The following COL23A1 variants were observed in gnomAD, a reference collection of about 807,000 sequenced individuals.
COL23A1 encodes collagen type XXIII alpha 1 chain, also known as collagen alpha-1(XXIII) chain.
A neutral mutation model predicts 99.3 loss-of-function variants in COL23A1; 97 were observed. The observed-to-expected ratio is 0.98, with a 90% CI of 0.83 to 1.16. The LOEUF (loss-of-function observed/expected upper bound fraction) is 1.16, where lower values mean the gene tolerates loss of function less well. Ranked by LOEUF, COL23A1 falls within the 50% of genes most tolerant of loss-of-function variation. COL23A1 has a pLI of 0.00. For missense variants in COL23A1, 762 were observed against 757.4 expected (o/e 1.01, Z -0.07); for synonymous variants, 320 against 308.2 (o/e 1.04, Z -0.40).
chr5:178,282,102 T>C (rs552938011), intron 5 of COL23A1, among the ~76,000 whole-genome samples: 2 of 146,464 alleles, frequency 1.4e-5, no homozygotes, highest in Non-Finnish European at 3.0e-5. Flanking sequence ...AGGCTGAGCA[T>C]GCCCTGCTCC....
chr5:178,568,017 C>T (rs963893133), intron 1 of COL23A1, among the ~76,000 whole-genome samples: 5 of 152,218 alleles, frequency 3.3e-5, no homozygotes, highest in African/African-American at 7.2e-5. Flanking sequence ...ACCAAGTGAT[C>T]AAGGTTCATG....
chr5:178,335,788 C>T (rs2913795), intron 2 of COL23A1, among the ~76,000 whole-genome samples: 72,546 of 152,098 alleles, frequency 0.48, 18,211 homozygotes, highest in East Asian at 0.81. Flanking sequence ...AAAGTGATCA[C>T]TGTGGCGAAC....
intron 1 of COL23A1, among the ~76,000 whole-genome samples, chr5:178,575,164 T>C (rs896971841): frequency 5.4e-5 from 8 of 148,652 alleles, no homozygotes; most frequent in Admixed American, 4.7e-4. Flanking sequence ...TATCCTCTAA[T>C]GAAAAGAAAA....
intron 2 of COL23A1, among the ~76,000 whole-genome samples, chr5:178,502,182 A>G (rs915684923): frequency 1.3e-5 from 2 of 152,178 alleles, no homozygotes; most frequent in African/African-American, 4.8e-5. Context: ...CCCAGGCTGG[A>G]GTGCAGTGGC....
chr5:178,375,128 G>A (rs146417003), intron 2 of COL23A1, among the ~76,000 whole-genome samples: 89 of 152,278 alleles, frequency 5.8e-4, no homozygotes, highest in African/African-American at 2.0e-3. Context: ...CAACATGGAC[G>A]AACCTTGAAA....
At chr5:178,359,039 A>C (rs1173580029) in intron 2 of COL23A1, among the ~76,000 whole-genome samples, 1 of 152,206 alleles carries the variant, frequency 6.6e-6, no homozygotes, top group African/African-American at 2.4e-5. Context: ...GGAAAGGGTG[A>C]TCTATAAAGA....
intron 4 of COL23A1, 93 bp downstream of exon 4, chr5:178,290,269 T>C: frequency 3.2e-6 from 5 of 1,585,064 alleles, no homozygotes; most frequent in Non-Finnish European, 4.3e-6. Flanking sequence ...AGGACACACC[T>C]CCCTAACCAA....
intron 6 of COL23A1, among the ~76,000 whole-genome samples, chr5:178,269,486 C>T (rs961148893): frequency 7.2e-5 from 5 of 69,388 alleles, no homozygotes; most frequent in African/African-American, 2.9e-4. Flanking sequence ...CACCCATCCA[C>T]CCACCCATCC....
At chr5:178,547,006 T>TG (rs1761618898) in intron 2 of COL23A1, among the ~76,000 whole-genome samples, 1 of 152,070 alleles carries the variant, frequency 6.6e-6, no homozygotes, top group Non-Finnish European at 1.5e-5. Context: ...CTTCCAAGCT[T>TG]GGGGGGCATC....
intron 2 of COL23A1, among the ~76,000 whole-genome samples, chr5:178,504,962 C>T (rs1188484092): frequency 6.6e-6 from 1 of 152,212 alleles, no homozygotes; most frequent in African/African-American, 2.4e-5. Context: ...CAATAGGGAC[C>T]TCCTTACTGA....
intron 1 of COL23A1, among the ~76,000 whole-genome samples, chr5:178,579,468 T>C (rs1763550890): frequency 6.6e-6 from 1 of 152,134 alleles, no homozygotes; most frequent in Admixed American, 6.5e-5. Context: ...TGTTTGTTTG[T>C]TTTGAGACGG....
intron 3 of COL23A1, among the ~76,000 whole-genome samples, chr5:178,297,495 G>A (rs142449461): frequency 1.1e-3 from 165 of 152,282 alleles, no homozygotes; most frequent in African/African-American, 3.8e-3. Context: ...TCCAGCCTGG[G>A]CAACAGAGTA....
intron 2 of COL23A1, among the ~76,000 whole-genome samples, chr5:178,431,760 A>G (rs139615008): frequency 6.6e-6 from 1 of 152,232 alleles, no homozygotes; most frequent in Non-Finnish European, 1.5e-5. Context: ...CAGGAACATT[A>G]AGAGACTAGA....
intron 3 of COL23A1, among the ~76,000 whole-genome samples, chr5:178,304,189 G>C (rs1243869338): frequency 6.6e-6 from 1 of 152,112 alleles, no homozygotes; most frequent in Non-Finnish European, 1.5e-5. Flanking sequence ...AGGAATCCCA[G>C]CCGGGCACTG....
intron 2 of COL23A1, among the ~76,000 whole-genome samples, chr5:178,348,938 A>G (rs1761143660): frequency 6.6e-6 from 1 of 152,152 alleles, no homozygotes; most frequent in African/African-American, 2.4e-5. Flanking sequence ...CGTCAGCAGC[A>G]CAGGCCGACC....
chr5:178,460,897 C>T (rs951799516), intron 2 of COL23A1, among the ~76,000 whole-genome samples: 1 of 152,172 alleles, frequency 6.6e-6, no homozygotes, highest in African/African-American at 2.4e-5. Flanking sequence ...CCCAAGATTG[C>T]CCCTTCCCCT....
intron 2 of COL23A1, among the ~76,000 whole-genome samples, chr5:178,491,625 A>G (rs1349031838): frequency 1.3e-5 from 2 of 152,100 alleles, no homozygotes; most frequent in Non-Finnish European, 2.9e-5. Flanking sequence ...ACAAGCAGAG[A>G]GCGGACCACA....
At chr5:178,542,109 C>T (rs145611293) in intron 2 of COL23A1, among the ~76,000 whole-genome samples, 9,040 of 152,232 alleles carry the variant, frequency 0.059, 402 homozygotes, top group Middle Eastern at 0.16. Context: ...CTGCAACCTC[C>T]GCCTCCCGGG....
intron 2 of COL23A1, among the ~76,000 whole-genome samples, chr5:178,337,933 T>C (rs753327539): frequency 1.3e-5 from 2 of 152,238 alleles, no homozygotes; most frequent in Non-Finnish European, 2.9e-5. Flanking sequence ...CTGACATTTA[T>C]GGAGCAGTGA....
Sources: gnomAD v4.1 joint callset for allele counts (sites outside exome capture counted in the v4.1 genomes callset) on GRCh38, gnomAD v4.1.1 for gene constraint, MANE v1.5 for transcripts, NCBI Gene and HGNC (gene_info 2026-07-23, HGNC 2026-07-21) for gene names.